The following ETNK1 variants were observed in gnomAD, a reference collection of about 807,000 sequenced individuals.
The protein encoded by ETNK1 is putative protein product of Nbla10396.
In ETNK1, 8 loss-of-function variants were observed where a neutral mutation model predicts 45.1. The ratio of observed to expected loss-of-function variants is 0.18; its 90% confidence interval spans 0.10 to 0.32. The LOEUF (loss-of-function observed/expected upper bound fraction) is 0.32. Among genes scored for constraint, ETNK1 ranks in the 10% least tolerant of loss-of-function variants. ETNK1 has a pLI of 1.00. For missense variants in ETNK1, 302 were observed against 430.6 expected (o/e 0.70, Z 2.64); for synonymous variants, 152 against 151.9 (o/e 1.00, Z -0.01).
chr12:22,647,241 G>A (rs1953818684), intron 2 of ETNK1, among the ~76,000 whole-genome samples: 2 of 151,750 alleles, frequency 1.3e-5, no homozygotes, highest in Admixed American at 1.3e-4. Flanking sequence ...CAAGAACCTG[G>A]CTGAAGTTTA....
intron 4 of ETNK1, among the ~76,000 whole-genome samples, chr12:22,661,810 A>G (rs1485713366): frequency 6.6e-6 from 1 of 152,128 alleles, no homozygotes; most frequent in African/African-American, 2.4e-5. Flanking sequence ...AGGTAGACTG[A>G]TACTTTTTGG....
rs1371924796 is a variant in ETNK1 at position 22,689,206 on chromosome 12, T to A, written c.*4252T>A. The A allele has an allele frequency of 6.6e-6, 1 of 151,968 alleles. No individual in the cohort carries two copies. The highest frequency in any genetic ancestry group is 2.4e-5 in the African/African-American group (1 of 41,434). 9.4% of individuals were successfully genotyped at this position (151,968 alleles called of 1,614,324 possible). On this transcript the variant is annotated 3_prime_UTR_variant, in exon 8 of 8. Transcript: ENST00000266517. ...GTTTGAAATGGAATGAAGACCTGAA[T>A]TATTTGGGTAGAAAAAATTATGATA...
chr12:22,625,651 C>G lies in ETNK1; in HGVS notation c.156+65C>G, dbSNP rs149123590. ...CACGCGGCTCTGGGGGTCCTCACCA[C>G]AATCGCCTCTGTCCCACGATGACCG... On this transcript the variant is annotated intron_variant, in intron 1 of 7. Transcript: ENST00000266517. 3,065 of 1,514,620 alleles carry G rather than the reference C, an allele frequency of 2.0e-3. 60 individuals are homozygous for G. The African/African-American group carries it at 0.038, about 19-fold the overall frequency. The allele number at this position is 1,514,620 out of a possible 1,614,324, so 93.8% of individuals were successfully genotyped here.
intron 6 of ETNK1, among the ~76,000 whole-genome samples, chr12:22,678,918 G>C (rs967931093): frequency 6.6e-6 from 1 of 152,200 alleles, no homozygotes; most frequent in African/African-American, 2.4e-5. Context: ...TATGTATTTT[G>C]AAGTCCACTA....
At chr12:22,675,166 T>C (rs1954147663) in intron 6 of ETNK1, among the ~76,000 whole-genome samples, 1 of 152,120 alleles carries the variant, frequency 6.6e-6, no homozygotes, top group South Asian at 2.1e-4. Context: ...CCTCCCGGGC[T>C]TAAGCAGTCC....
chr12:22,630,090 T>C (rs527641619), intron 1 of ETNK1, among the ~76,000 whole-genome samples: 1 of 152,352 alleles, frequency 6.6e-6, no homozygotes, highest in African/African-American at 2.4e-5. Context: ...TTTTGGGGAC[T>C]GAGCATAATG....
At chr12:22,679,080 A>G (rs1372107796) in intron 6 of ETNK1, among the ~76,000 whole-genome samples, 1 of 152,220 alleles carries the variant, frequency 6.6e-6, no homozygotes, top group Non-Finnish European at 1.5e-5. Flanking sequence ...AGTGGAAGGA[A>G]GTTTATTAGG....
intron 4 of ETNK1, among the ~76,000 whole-genome samples, chr12:22,670,658 T>C (rs987111529): frequency 6.6e-6 from 1 of 152,184 alleles, no homozygotes; most frequent in African/African-American, 2.4e-5. Context: ...AACCACCACC[T>C]TATTGCACCG....
intron 7 of ETNK1, 72 bp downstream of exon 7, chr12:22,684,628 G>T (rs1483646390): frequency 9.7e-7 from 1 of 1,031,292 alleles, no homozygotes. Context: ...AATTCACAGG[G>T]AATATTGTAG....
In ETNK1 at chr12:22,673,494, C is replaced by A; in HGVS notation, c.785-6C>A. On this transcript the variant is annotated splice_region_variant and splice_polypyrimidine_tract_variant and intron_variant, in intron 5 of 7. Coordinates refer to ENST00000266517, the MANE Select transcript of ETNK1 (RefSeq NM_018638.5). ...ATTTTTGAGTGTAGTTTTTTTTCTTCTAAAGGTGTGAGTGATGTAGACTAT... is the reference window on the plus strand; with the variant it reads ...ATTTTTGAGTGTAGTTTTTTTTCTTATAAAGGTGTGAGTGATGTAGACTAT... The A allele has an allele frequency of 6.4e-7, 1 of 1,562,190 alleles. No homozygotes were observed. The highest frequency in any genetic ancestry group is 8.7e-7 in the Non-Finnish European group (1 of 1,152,198).
intron 4 of ETNK1, among the ~76,000 whole-genome samples, chr12:22,666,628 A>C (rs1954056006): frequency 6.6e-6 from 1 of 152,154 alleles, no homozygotes; most frequent in African/African-American, 2.4e-5. Flanking sequence ...GTAAATACCT[A>C]ATATTTAACT....
chr12:22,633,705 G>T (rs1953614124), intron 1 of ETNK1, among the ~76,000 whole-genome samples: 1 of 152,088 alleles, frequency 6.6e-6, no homozygotes, highest in Admixed American at 6.5e-5. Flanking sequence ...AACTTTTGAA[G>T]TTTTCACTGT....
chr12:22,661,241 T>C (rs1002001970), intron 4 of ETNK1, 36 bp downstream of exon 4: 1 of 1,535,668 alleles, frequency 6.5e-7, no homozygotes, highest in Non-Finnish European at 8.8e-7. Context: ...TAAAATTGAT[T>C]TCTTTTATGT....
intron 2 of ETNK1, among the ~76,000 whole-genome samples, chr12:22,649,743 A>T (rs1953851419): frequency 6.6e-6 from 1 of 152,052 alleles, no homozygotes; most frequent in Non-Finnish European, 1.5e-5. Flanking sequence ...TTTAAAATGG[A>T]CTTTTTAAGA....
chr12:22,675,706 AACTT>A (rs1277512618), intron 6 of ETNK1, among the ~76,000 whole-genome samples: 5 of 152,276 alleles, frequency 3.3e-5, no homozygotes, highest in African/African-American at 4.8e-5. Context: ...ATTAGAAGGA[AACTT>A]ACTTACTCTG....
intron 1 of ETNK1, among the ~76,000 whole-genome samples, chr12:22,632,316 TCTA>T (rs1256774473): frequency 6.6e-6 from 1 of 152,040 alleles, no homozygotes; most frequent in Non-Finnish European, 1.5e-5. Context: ...TTTATTACCT[TCTA>T]CTTCTCCTAA....
At position 22,679,267 on chromosome 12, in the gene ETNK1, C is replaced by T. The variant is rs566259400; in HGVS notation, c.946-5216C>T. Among the ~76,000 whole-genome samples, 29 of 152,294 alleles carry T rather than the reference C, an allele frequency of 1.9e-4. No homozygotes were observed. In the East Asian group the frequency reaches 2.7e-3, roughly 14 times the overall value. On this transcript the variant is annotated intron_variant, in intron 6 of 7. Coordinates refer to ENST00000266517, the MANE Select transcript of ETNK1 (RefSeq NM_018638.5). Reference sequence around the variant, plus strand: ...CAAGAGCCCCCTGGCAAACCACTGGCGTTTAAGTCCAAGTGTCCAAATGCT... The same window carrying T: ...CAAGAGCCCCCTGGCAAACCACTGGTGTTTAAGTCCAAGTGTCCAAATGCT...
rs976832189 is a variant in ETNK1 at position 22,687,447 on chromosome 12, A to G, written c.*2493A>G. On this transcript the variant is annotated 3_prime_UTR_variant, in exon 8 of 8. Transcript: ENST00000266517. ...GTAAGCTCATTTTGTAAATATGAAAATGGCTGTAAGAAGTGGCATTCATGT... is the reference window on the plus strand; with the variant it reads ...GTAAGCTCATTTTGTAAATATGAAAGTGGCTGTAAGAAGTGGCATTCATGT... The G allele has an allele frequency of 6.6e-6, 1 of 152,334 alleles. No individual in the cohort carries two copies. Among genetic ancestry groups the G allele is most frequent in the Admixed American group, 6.6e-5 (1 of 15,244 alleles). The allele number at this position is 152,334 out of a possible 1,614,324, so 9.4% of individuals were successfully genotyped here.
At chr12:22,644,053 G>A in intron 2 of ETNK1, 31 bp downstream of exon 2, 1 of 1,414,026 alleles carries the variant, frequency 7.1e-7, no homozygotes, top group Non-Finnish European at 9.2e-7. Context: ...TTTTCCTTTT[G>A]AAAAATAGGG....
Sources: gnomAD v4.1 joint callset for allele counts (sites outside exome capture counted in the v4.1 genomes callset) on GRCh38, gnomAD v4.1.1 for gene constraint, MANE v1.5 for transcripts, NCBI Gene and HGNC (gene_info 2026-07-23, HGNC 2026-07-21) for gene names.